The following KIF23 variants were observed in gnomAD, a reference collection of about 807,000 sequenced individuals.
KIF23 encodes kinesin-like protein KIF23.
Under a neutral mutation model 137.5 loss-of-function variants are expected in KIF23, and 30 were observed. The ratio of observed to expected loss-of-function variants is 0.22; its 90% CI spans 0.16 to 0.30. KIF23 has a LOEUF of 0.30. Ranked by LOEUF, KIF23 falls within the 10% of genes least tolerant of loss-of-function variation. The probability of loss-of-function intolerance (pLI) is 1.00; values close to 1 mark genes in which losing one functional copy is unlikely to be tolerated. For missense variants in KIF23, 920 were observed against 1,194.3 expected (o/e 0.77, Z 3.38); for synonymous variants, 367 against 391.1 (o/e 0.94, Z 0.73).
intron 2 of KIF23, among the ~76,000 whole-genome samples, 181 bp downstream of exon 2, chr15:69,416,244 A>G (rs1376222659): frequency 2.0e-5 from 3 of 152,224 alleles, no homozygotes; most frequent in African/African-American, 4.8e-5. Flanking sequence ...AATTTTCTCT[A>G]TAAGATTAAT....
intron 3 of KIF23, among the ~76,000 whole-genome samples, chr15:69,419,117 CAAAA>C (rs1170560067): frequency 2.0e-5 from 3 of 151,624 alleles, no homozygotes; most frequent in Non-Finnish European, 2.9e-5. Flanking sequence ...AACTCCATCT[CAAAA>C]AACAAACAAA....
At chr15:69,425,131 A>T in intron 7 of KIF23, 151 bp from the exon 8 acceptor site, 1 of 598,668 alleles carries the variant, frequency 1.7e-6, no homozygotes, top group Non-Finnish European at 2.8e-6. Flanking sequence ...AAGCTAGTTA[A>T]CTTTTAGTAC....
At chr15:69,430,719 C>T (rs1260547903) in intron 11 of KIF23, among the ~76,000 whole-genome samples, 1 of 152,178 alleles carries the variant, frequency 6.6e-6, no homozygotes, top group African/African-American at 2.4e-5. Context: ...AAGGCAAGGT[C>T]ATGAAGACCC....
At chr15:69,420,682 T>C (rs1170035251) in intron 3 of KIF23, among the ~76,000 whole-genome samples, 1 of 152,212 alleles carries the variant, frequency 6.6e-6, no homozygotes, top group African/African-American at 2.4e-5. Context: ...TTTTATTTTA[T>C]ATGTCTTTTT....
chr15:69,421,942 T>C, intron 4 of KIF23, 50 bp from the exon 5 acceptor site: 3 of 1,594,550 alleles, frequency 1.9e-6, no homozygotes, highest in Non-Finnish European at 2.6e-6. Context: ...AGAAATACTC[T>C]AAGTGGAGAA....
chr15:69,422,635 G>A (rs148526443), intron 6 of KIF23, among the ~76,000 whole-genome samples, 200 bp downstream of exon 6: 5 of 152,304 alleles, frequency 3.3e-5, no homozygotes, highest in East Asian at 1.9e-4. Context: ...ACTGTTTTAA[G>A]AGGGTGCCAC....
chr15:69,428,179 AG>A (rs1292869577), intron 10 of KIF23, among the ~76,000 whole-genome samples: 1 of 151,992 alleles, frequency 6.6e-6, no homozygotes, highest in Non-Finnish European at 1.5e-5. Flanking sequence ...TGTTTGAACC[AG>A]GGAGGTGGAG....
chr15:69,436,486 G>A (rs1014318230), intron 14 of KIF23, 78 bp from the exon 15 acceptor site: 23 of 1,296,592 alleles, frequency 1.8e-5, no homozygotes, highest in Non-Finnish European at 2.4e-5. Flanking sequence ...CACTGGGGCT[G>A]TATGCAGTGT....
At chr15:69,437,123 C>T (rs2057502754) in intron 15 of KIF23, among the ~76,000 whole-genome samples, 1 of 152,116 alleles carries the variant, frequency 6.6e-6, no homozygotes, top group African/African-American at 2.4e-5. Context: ...TGGTAGATTG[C>T]ATATTTAAGG....
chr15:69,419,580 A>G lies in KIF23; in HGVS notation c.211-2067A>G, dbSNP rs1019072807. Among the ~76,000 whole-genome samples, 7 of 152,312 alleles carry G rather than the reference A, an allele frequency of 4.6e-5. 1 individual carries two copies. In the South Asian group the frequency reaches 8.3e-4, roughly 18 times the overall value. ...CTCCTCGGGTTGTATAGACTACCCA[A>G]TCAGAAACAGCACCCCACAACCCCT... On this transcript the variant is annotated intron_variant, in intron 3 of 23. Coordinates refer to ENST00000679126, the MANE Select transcript of KIF23 (RefSeq NM_001367805.3).
At chr15:69,431,613 C>CAA (rs58235050) in intron 11 of KIF23, among the ~76,000 whole-genome samples, 1 of 136,890 alleles carries the variant, frequency 7.3e-6, no homozygotes, top group African/African-American at 2.8e-5. Context: ...GACTCCGTCT[C>CAA]AAAAAAAAAA....
intron 11 of KIF23, among the ~76,000 whole-genome samples, chr15:69,430,032 A>AC (rs2057316030): frequency 1.3e-5 from 2 of 148,650 alleles, no homozygotes; most frequent in Admixed American, 6.7e-5. Context: ...AACAACAACA[A>AC]AAAAGGACTC....
chr15:69,424,419 C>G (rs1485699612), intron 7 of KIF23, among the ~76,000 whole-genome samples: 1 of 152,190 alleles, frequency 6.6e-6, no homozygotes, highest in African/African-American at 2.4e-5. Context: ...GGACTTATTT[C>G]TGGAGTGACC....
At chr15:69,445,576 A>G (rs906942615) in intron 20 of KIF23, among the ~76,000 whole-genome samples, 1 of 151,538 alleles carries the variant, frequency 6.6e-6, no homozygotes, top group Admixed American at 6.6e-5. Flanking sequence ...TTTTTATTTC[A>G]ATTTCAATTT....
chr15:69,436,291 C>T (rs780981484), intron 14 of KIF23, 30 bp downstream of exon 14: 13 of 1,597,474 alleles, frequency 8.1e-6, no homozygotes, highest in Non-Finnish European at 1.1e-5. Context: ...CATTTGTCCA[C>T]TCATTGGTCT....
chr15:69,436,363 T>G, intron 14 of KIF23, 102 bp downstream of exon 14: 1 of 1,413,360 alleles, frequency 7.1e-7, no homozygotes, highest in Non-Finnish European at 9.6e-7. Flanking sequence ...ACATACCTTC[T>G]GAAGAACCAA....
intron 20 of KIF23, 151 bp from the exon 21 acceptor site, chr15:69,445,858 A>T: frequency 1.8e-6 from 1 of 568,628 alleles, no homozygotes; most frequent in Non-Finnish European, 3.1e-6. Flanking sequence ...AATTATTTTG[A>T]TAGTACGTAC....
Position 69,446,278 on chromosome 15 carries a change from T to C in KIF23, c.2757-5T>C, listed in dbSNP as rs1567083072. On this transcript the variant is annotated splice_polypyrimidine_tract_variant and splice_region_variant and intron_variant, in intron 21 of 23. Transcript: ENST00000679126. ...AATTGTTGCATCATGTTTCCCCTTTTTCAGTAGTCGAAAACGAAGATCTTC... is the reference window on the plus strand; with the variant it reads ...AATTGTTGCATCATGTTTCCCCTTTCTCAGTAGTCGAAAACGAAGATCTTC... 3 of 1,613,526 alleles carry C rather than the reference T, an allele frequency of 1.9e-6. No homozygotes were observed. Among genetic ancestry groups the C allele is most frequent in the Non-Finnish European group, 1.7e-6 (2 of 1,179,570 alleles).
Position 69,423,144 on chromosome 15 carries a change from C to A in KIF23, c.564-15C>A. 8.8e-7 allele frequency: 1 copy of A among 1,142,122 alleles called. No individual in the cohort carries two copies. Among genetic ancestry groups the A allele is most frequent in the Non-Finnish European group, 1.2e-6 (1 of 814,748 alleles). 70.7% of individuals were successfully genotyped at this position (1,142,122 alleles called of 1,614,324 possible). ...TGGACTTATAACGTATACAATTGAA[C>A]TTTTCTTTTTTTAGACGACAAGTAG... On this transcript the variant is annotated splice_polypyrimidine_tract_variant and intron_variant, in intron 6 of 23. Transcript: ENST00000679126.
Sources: gnomAD v4.1 joint callset for allele counts (sites outside exome capture counted in the v4.1 genomes callset) on GRCh38, gnomAD v4.1.1 for gene constraint, MANE v1.5 for transcripts, NCBI Gene and HGNC (gene_info 2026-07-23, HGNC 2026-07-21) for gene names.